Variants in FNBP1 observed in about 807,000 individuals in gnomAD.
FNBP1 encodes formin-binding protein 1.
Under a neutral mutation model 90.6 loss-of-function variants are expected in FNBP1, and 26 were observed. The observed-to-expected ratio is 0.29, with a 90% CI of 0.21 to 0.40. The LOEUF (loss-of-function observed/expected upper bound fraction) is 0.40, where lower values mean the gene tolerates loss of function less well. Among genes scored for constraint, FNBP1 ranks in the 10% least tolerant of loss-of-function variants. The probability of loss-of-function intolerance (pLI) is 1.00; values close to 1 mark genes in which losing one functional copy is unlikely to be tolerated. For synonymous variants in FNBP1, 260 were observed against 265.2 expected (o/e 0.98, Z 0.19); for missense variants, 635 against 768.0 (o/e 0.83, Z 2.05).
rs1192541205 is a variant in FNBP1, at chr9:130,011,215, C to CAAAAA, written c.25-16262_25-16258dup. Among the ~76,000 whole-genome samples, 38 of 13,420 alleles carry CAAAAA rather than the reference C, an allele frequency of 2.8e-3. 6 individuals are homozygous for CAAAAA. The highest frequency in any genetic ancestry group is 4.2e-3 in the East Asian group (1 of 240). 8.8% of individuals were successfully genotyped at this position (13,420 alleles called of 152,430 possible). ...TGGGTGACAGAGTGAGACTCCATCT[C>CAAAAA]AAAAAAAAAAAAAAAAAAAAAAAAA... is the stretch of plus-strand genomic sequence containing the variant. On this transcript the variant is annotated intron_variant, in intron 1 of 16. Coordinates refer to ENST00000446176, the MANE Select transcript of FNBP1 (RefSeq NM_015033.3).
chr9:130,037,416 A>T (rs2059417575), intron 1 of FNBP1, among the ~76,000 whole-genome samples: 1 of 152,188 alleles, frequency 6.6e-6, no homozygotes, highest in South Asian at 2.1e-4. Flanking sequence ...AGGGTTCTCC[A>T]ATTTAGCATT....
At chr9:130,036,703 T>C (rs1043951501) in intron 1 of FNBP1, among the ~76,000 whole-genome samples, 2 of 152,180 alleles carry the variant, frequency 1.3e-5, no homozygotes, top group African/African-American at 4.8e-5. Context: ...ATCTCCCCTG[T>C]TGGTCTTGCC....
chr9:130,013,415 A>G (rs968107124), intron 1 of FNBP1, among the ~76,000 whole-genome samples: 1 of 152,210 alleles, frequency 6.6e-6, no homozygotes, highest in Non-Finnish European at 1.5e-5. Flanking sequence ...ATGAAATACC[A>G]TTTCATATCC....
At chr9:130,046,709 G>A (rs760595899), upstream of FNBP1, among the ~76,000 whole-genome samples, 6 of 149,958 alleles carry the variant, frequency 4.0e-5, no homozygotes, top group Non-Finnish European at 5.9e-5. Flanking sequence ...CGGAGGGTGC[G>A]GTGAGCTAAG....
intron 1 of FNBP1, among the ~76,000 whole-genome samples, chr9:130,032,382 G>A (rs888460637): frequency 1.3e-5 from 2 of 152,084 alleles, no homozygotes; most frequent in African/African-American, 4.8e-5. Flanking sequence ...TGTTACCCAG[G>A]CTGGTCTTGA....
At chr9:129,958,073 T>C (rs1417192582) in intron 5 of FNBP1, among the ~76,000 whole-genome samples, 1 of 152,248 alleles carries the variant, frequency 6.6e-6, no homozygotes, top group Non-Finnish European at 1.5e-5. Flanking sequence ...AGTGTTTTTA[T>C]GTGCATGTTT....
chr9:129,954,694 AG>A (rs1282500384), intron 6 of FNBP1, among the ~76,000 whole-genome samples: 1 of 152,206 alleles, frequency 6.6e-6, no homozygotes, highest in Admixed American at 6.6e-5. Flanking sequence ...TAACCAATAA[AG>A]GGTATATTAA....
At chr9:130,019,781 G>A (rs977795580) in intron 1 of FNBP1, among the ~76,000 whole-genome samples, 3 of 151,604 alleles carry the variant, frequency 2.0e-5, no homozygotes, top group South Asian at 2.1e-4. Flanking sequence ...TTTTTGAAAC[G>A]GAGTCTCGCT....
In FNBP1 at chr9:129,900,220, A is replaced by T; in HGVS notation, c.1551-119T>A. 1 of 1,227,416 alleles carries T rather than the reference A, an allele frequency of 8.1e-7. No individual in the cohort carries two copies. The highest frequency in any genetic ancestry group is 1.1e-6 in the Non-Finnish European group (1 of 907,424). The allele number at this position is 1,227,416 out of a possible 1,614,324, so 76.0% of individuals were successfully genotyped here. A position where few individuals can be genotyped will look rare whatever the true frequency, so the allele number is the denominator to read the frequency against. On this transcript the variant is annotated intron_variant, in intron 14 of 16. Transcript: ENST00000446176. This position sits in a 1 kb window ranked among gnomAD's most constrained non-coding sequence, Gnocchi z 4.1. ...CGCCCCTCAGCGAGTGCTGTAACTG[A>T]GGCCATGGTAAATCATCGCACGCTC...
chr9:130,046,672 G>T (rs978029993), upstream of FNBP1, among the ~76,000 whole-genome samples: 3 of 150,896 alleles, frequency 2.0e-5, no homozygotes, highest in African/African-American at 7.3e-5. Context: ...GGAGACTGAG[G>T]CAAGAGAATC....
At chr9:129,985,073 C>T (rs914498173) in intron 2 of FNBP1, among the ~76,000 whole-genome samples, 8 of 152,076 alleles carry the variant, frequency 5.3e-5, no homozygotes, top group South Asian at 2.1e-4. Flanking sequence ...CTCAGAGTCT[C>T]GAAGCCAGGC....
rs548632288 is a variant in FNBP1, at chr9:129,934,732, C to T, written c.514-5037G>A. On this transcript the variant is annotated intron_variant, in intron 6 of 16. Coordinates refer to ENST00000446176, the MANE Select transcript of FNBP1 (RefSeq NM_015033.3). ...GATTACAGGCACCCGCCACCACGCC[C>T]GGCTAATTTTTGTATTTTTAGTAGA... 5.9e-5 allele frequency among the ~76,000 whole-genome samples: 9 copies of T among 152,122 alleles called. No individual in the cohort carries two copies. In the East Asian group the frequency reaches 1.2e-3, roughly 20 times the overall value.
At chr9:130,050,819 T>C in the FNBP1 span, among the ~76,000 whole-genome samples, 1 of 29,008 alleles carries the variant, frequency 3.4e-5, no homozygotes, top group African/African-American at 5.3e-5. Flanking sequence ...TTTGTGTTTT[T>C]TTTTTGTTTT....
intron 11 of FNBP1, among the ~76,000 whole-genome samples, chr9:129,912,459 C>T (rs368090520): frequency 1.3e-5 from 2 of 151,762 alleles, no homozygotes; most frequent in Non-Finnish European, 1.5e-5. Context: ...GAGGCCGAGG[C>T]GGGTGGATCA....
At chr9:129,939,877 C>T (rs2044074685) in intron 6 of FNBP1, among the ~76,000 whole-genome samples, 1 of 151,898 alleles carries the variant, frequency 6.6e-6, no homozygotes, top group South Asian at 2.1e-4. Flanking sequence ...AAATGAGAAC[C>T]TGAGCTAAAA....
intron 10 of FNBP1, among the ~76,000 whole-genome samples, chr9:129,918,462 G>A (rs557734177): frequency 1.3e-5 from 2 of 152,332 alleles, no homozygotes; most frequent in African/African-American, 2.4e-5. Context: ...TTAAAGAGCC[G>A]TGGGAGCCAC....
At chr9:130,017,747 T>C (rs940534350) in intron 1 of FNBP1, among the ~76,000 whole-genome samples, 1 of 151,430 alleles carries the variant, frequency 6.6e-6, no homozygotes, top group Non-Finnish European at 1.5e-5. Context: ...GGAGAATCAC[T>C]TGAACCCGGA....
At position 129,924,001 on chromosome 9, in the gene FNBP1, TG is replaced by T; in HGVS notation, c.1012del (p.His338IlefsTer38). 6 of 1,298,556 alleles carry T rather than the reference TG, an allele frequency of 4.6e-6. No individual in the cohort carries two copies. The highest frequency in any genetic ancestry group is 4.0e-5 in the East Asian group (1 of 25,038). The allele number at this position is 1,298,556 out of a possible 1,614,324, so 80.4% of individuals were successfully genotyped here. A position where few individuals can be genotyped will look rare whatever the true frequency, so the allele number is the denominator to read the frequency against. ...NKLMSLLTSP[H>X]QPPPPPPASA... ...GGCAGGAGGGGGAGGGGGAGGCTGA[TG>T]GGGGGATGTTAAAAGGGACATAAGC... is the stretch of plus-strand genomic sequence containing the variant. On this transcript the variant is annotated frameshift_variant, in exon 10 of 17. Coordinates refer to ENST00000446176, the MANE Select transcript of FNBP1 (RefSeq NM_015033.3). LOFTEE classifies it high-confidence loss of function.
chr9:129,890,754 C>CTAA lies in FNBP1; in HGVS notation c.1847-209_1847-208insTTA, dbSNP rs1221220388. ...GAACTTTCACGGTTTTCTCTCTAGC[C>CTAA]TTTAGCTGGTCTTTCCTTCAGAGTT... On this transcript the variant is annotated intron_variant, in intron 16 of 16. Coordinates refer to ENST00000446176, the MANE Select transcript of FNBP1 (RefSeq NM_015033.3). This position sits in a 1 kb window ranked among gnomAD's most constrained non-coding sequence, Gnocchi z 5.8. Among the ~76,000 whole-genome samples, 5 of 152,184 alleles carry CTAA rather than the reference C, an allele frequency of 3.3e-5. No homozygotes were observed. The highest frequency in any genetic ancestry group is 4.1e-4 in the South Asian group (2 of 4,832).
Sources: gnomAD v4.1 joint callset for allele counts (sites outside exome capture counted in the v4.1 genomes callset) on GRCh38, gnomAD v4.1.1 for gene constraint, Gnocchi (gnomAD v3.1) non-coding constraint, MANE v1.5 for transcripts, NCBI Gene and HGNC (gene_info 2026-07-23, HGNC 2026-07-21) for gene names.